Variants in ZC3H14 observed in about 807,000 individuals in gnomAD.
ZC3H14 encodes zinc finger CCCH domain-containing protein 14.
In ZC3H14, 31 loss-of-function variants were observed where a neutral mutation model predicts 92.4. The observed-to-expected ratio is 0.34, with a 90% confidence interval of 0.25 to 0.45. The LOEUF is 0.45. Ranked by LOEUF, ZC3H14 falls within the 20% of genes least tolerant of loss-of-function variation. ZC3H14 has a pLI of 1.00. For missense variants in ZC3H14, 781 were observed against 897.3 expected, an observed-to-expected ratio of 0.87 and a Z score of 1.66; for synonymous variants, 321 against 300.9, an observed-to-expected ratio of 1.07 and a Z score of -0.69.
chr14:88,613,394 C>G lies in ZC3H14; in HGVS notation c.*1643C>G, dbSNP rs1390987498. On this transcript the variant is annotated 3_prime_UTR_variant, in exon 17 of 17. Coordinates refer to ENST00000251038, the MANE Select transcript of ZC3H14 (RefSeq NM_024824.5). Reference sequence around the variant, plus strand: ...AATATCTGGAAATACTTTTAGCTATCATTTATAAAGATAGTTTTGTTCTCA... The same window carrying G: ...AATATCTGGAAATACTTTTAGCTATGATTTATAAAGATAGTTTTGTTCTCA... The G allele has an allele frequency of 6.6e-6, 1 of 151,808 alleles. No homozygotes were observed. The highest frequency in any genetic ancestry group is 1.5e-5 in the Non-Finnish European group (1 of 68,018). The allele number at this position is 151,808 out of a possible 1,614,324, so 9.4% of individuals were successfully genotyped here.
chr14:88,599,955 A>T (rs1050135490), intron 10 of ZC3H14, among the ~76,000 whole-genome samples: 1 of 152,206 alleles, frequency 6.6e-6, no homozygotes, highest in African/African-American at 2.4e-5. Flanking sequence ...GTGAGGATTC[A>T]GTGAGAGACG....
intron 16 of ZC3H14, 36 bp from the exon 17 acceptor site, chr14:88,611,709 A>G: frequency 6.2e-7 from 1 of 1,613,768 alleles, no homozygotes; most frequent in South Asian, 1.1e-5. Flanking sequence ...GATACAAAGC[A>G]GATAATTAAA....
intron 9 of ZC3H14, among the ~76,000 whole-genome samples, chr14:88,580,647 G>C (rs1201019353): frequency 6.6e-6 from 1 of 152,096 alleles, no homozygotes; most frequent in Admixed American, 6.5e-5. Flanking sequence ...ATATTCAGAG[G>C]AACAGAGCAA....
At position 88,602,824 on chromosome 14, in the gene ZC3H14, G is replaced by T; in HGVS notation, c.1515-4G>T. The T allele has an allele frequency of 6.2e-7, 1 of 1,613,718 alleles. No homozygotes were observed. The highest frequency in any genetic ancestry group is 1.1e-5 in the South Asian group (1 of 91,034). On this transcript the variant is annotated splice_polypyrimidine_tract_variant and splice_region_variant and intron_variant, in intron 11 of 16. Coordinates refer to ENST00000251038, the MANE Select transcript of ZC3H14 (RefSeq NM_024824.5). ...TTCTATGGTATTTTTTATCTGTCTG[G>T]CAGAGATCTTGTACAACCAGATAAA...
chr14:88,618,694 A>C lies in ZC3H14; in HGVS notation c.*6943A>C. 6.2e-7 allele frequency: 1 copy of C among 1,612,570 alleles called. No individual in the cohort carries two copies. Among genetic ancestry groups the C allele is most frequent in the Non-Finnish European group, 8.5e-7 (1 of 1,179,314 alleles). ...GCAGAGAAGTCCATTTGAATGACAA[A>C]GCTTGGAATGTCTTTGCAGTAGCTG... On this transcript the variant is annotated 3_prime_UTR_variant, in exon 17 of 17. Transcript: ENST00000251038.
chr14:88,610,486 G>A (rs2086432412), intron 15 of ZC3H14, among the ~76,000 whole-genome samples: 2 of 152,070 alleles, frequency 1.3e-5, no homozygotes, highest in African/African-American at 4.8e-5. Context: ...TTAATGGTTA[G>A]GGTGGGCTGG....
In ZC3H14 at chr14:88,577,846, G is replaced by A; in HGVS notation, c.1124-139G>A. ...TGCCTCCCAAAGTGCTGAGATTACA[G>A]GCATGAGCCACTGCGCCCAGCCTGA... On this transcript the variant is annotated intron_variant, in intron 8 of 16. Transcript: ENST00000251038. The A allele has an allele frequency of 2.8e-6, 3 of 1,081,206 alleles. No individual in the cohort carries two copies. The East Asian group carries it at 7.5e-5, about 27-fold the overall frequency. 67.0% of individuals were successfully genotyped at this position (1,081,206 alleles called of 1,614,324 possible). A position where few individuals can be genotyped will look rare whatever the true frequency, so the allele number is the denominator to read the frequency against.
rs749148899 is a variant in ZC3H14, at chr14:88,609,346, C to T, written c.1948C>T (p.Pro650Ser). 4 of 1,613,936 alleles carry T rather than the reference C, an allele frequency of 2.5e-6. No homozygotes were observed. The highest frequency in any genetic ancestry group is 2.2e-5 in the East Asian group (1 of 44,832). ...TAAATATGATGCAAAGTGTACTAAACCAGATTGTCCCTTCACTCATGTGAG... is the reference window on the plus strand; with the variant it reads ...TAAATATGATGCAAAGTGTACTAAATCAGATTGTCCCTTCACTCATGTGAG... ...NCKYDAKCTKPDCPFTHVSRR... is the reference protein window; with the variant it reads ...NCKYDAKCTKSDCPFTHVSRR... Residue 650 changes from proline to serine, a missense_variant, in exon 14 of 17, where the codon CCA becomes TCA. By Grantham distance (74) the Pro-to-Ser change is moderately conservative. Transcript: ENST00000251038.
At chr14:88,607,175 T>C (rs1310721117) in intron 12 of ZC3H14, 68 bp from the exon 13 acceptor site, 7 of 1,610,620 alleles carry the variant, frequency 4.3e-6, no homozygotes, top group African/African-American at 1.3e-5. Context: ...GAGGGAAATA[T>C]GTTAAAGGTG....
chr14:88,576,087 T>A, intron 8 of ZC3H14, 147 bp downstream of exon 8: 1 of 721,782 alleles, frequency 1.4e-6, no homozygotes, highest in Non-Finnish European at 2.3e-6. Flanking sequence ...AAAATGGCTT[T>A]AAAAGGAAAT....
intron 8 of ZC3H14, among the ~76,000 whole-genome samples, chr14:88,576,989 C>G (rs1001810937): frequency 6.6e-6 from 1 of 152,024 alleles, no homozygotes; most frequent in South Asian, 2.1e-4. Context: ...GGCGGGGTTC[C>G]ACCATGTTGG....
rs1339474642 is a variant in ZC3H14, at chr14:88,621,874, G to A, written c.*10123G>A. 2 of 456,024 alleles carry A rather than the reference G, an allele frequency of 4.4e-6. No homozygotes were observed. The highest frequency in any genetic ancestry group is 4.0e-5 in the African/African-American group (2 of 49,994). 28.2% of individuals were successfully genotyped at this position (456,024 alleles called of 1,614,324 possible). On this transcript the variant is annotated 3_prime_UTR_variant, in exon 17 of 17. Coordinates refer to ENST00000251038, the MANE Select transcript of ZC3H14 (RefSeq NM_024824.5). ...CAGACATTTATCATTTCTTTGTGAT[G>A]GAAACTTTCAAAATCCTCTCTTGTA...
chr14:88,584,237 C>T (rs529844675), intron 9 of ZC3H14, among the ~76,000 whole-genome samples: 1 of 152,024 alleles, frequency 6.6e-6, no homozygotes, highest in East Asian at 1.9e-4. Flanking sequence ...TGTGGGTCCA[C>T]TCATACACTT....
At position 88,616,073 on chromosome 14, in the gene ZC3H14, G is replaced by A; in HGVS notation, c.*4322G>A. On this transcript the variant is annotated 3_prime_UTR_variant, in exon 17 of 17. Coordinates refer to ENST00000251038, the MANE Select transcript of ZC3H14 (RefSeq NM_024824.5). Reference sequence around the variant, plus strand: ...GCTGATTTCATAAACCAAAGCTGTAGGAGTTGTTGTATTAAGTCTCTTAAC... The same window carrying A: ...GCTGATTTCATAAACCAAAGCTGTAAGAGTTGTTGTATTAAGTCTCTTAAC... 1.3e-6 allele frequency: 2 copies of A among 1,513,960 alleles called. No individual in the cohort carries two copies. Among genetic ancestry groups the A allele is most frequent in the South Asian group, 2.3e-5 (2 of 88,426 alleles). The allele number at this position is 1,513,960 out of a possible 1,614,324, so 93.8% of individuals were successfully genotyped here.
rs2086928677 is a variant in ZC3H14 at position 88,612,468 on chromosome 14, AAAT to A, written c.*721_*723del. Reference sequence around the variant, plus strand: ...ATTTACTAATAACATAATGCCTTCTAAATAATTTTTTTGGGAAACTACATTATC... The same window carrying A: ...ATTTACTAATAACATAATGCCTTCTAAATTTTTTTGGGAAACTACATTATC... On this transcript the variant is annotated 3_prime_UTR_variant, in exon 17 of 17. Transcript: ENST00000251038. The A allele has an allele frequency of 6.6e-6, 1 of 152,396 alleles. No individual in the cohort carries two copies. Among genetic ancestry groups the A allele is most frequent in the Middle Eastern group, 3.4e-3 (1 of 294 alleles). 9.4% of individuals were successfully genotyped at this position (152,396 alleles called of 1,614,324 possible).
intron 6 of ZC3H14, 66 bp downstream of exon 6, chr14:88,573,073 A>T: frequency 6.5e-7 from 1 of 1,547,998 alleles, no homozygotes. Context: ...CAAATAATAT[A>T]TGAAGTAACT....
Position 88,614,123 on chromosome 14 carries a change from C to T in ZC3H14, c.*2372C>T, listed in dbSNP as rs1007800458. On this transcript the variant is annotated 3_prime_UTR_variant, in exon 17 of 17. Transcript: ENST00000251038. ...TTCTCTGTAGCCAAAAGCTGGCAAA[C>T]TTGACCCAGAGGGAAAATTTAAAAC... The T allele has an allele frequency of 2.0e-5, 3 of 152,184 alleles. No homozygotes were observed. Among genetic ancestry groups the T allele is most frequent in the African/African-American group, 7.2e-5 (3 of 41,452 alleles). 9.4% of individuals were successfully genotyped at this position (152,184 alleles called of 1,614,324 possible).
At chr14:88,571,797 C>T (rs1268428553) in intron 4 of ZC3H14, among the ~76,000 whole-genome samples, 1 of 151,948 alleles carries the variant, frequency 6.6e-6, no homozygotes, top group African/African-American at 2.4e-5. Context: ...ATCTCCGTCT[C>T]TACTAAAAAT....
chr14:88,577,392 A>G (rs1400870372), intron 8 of ZC3H14, among the ~76,000 whole-genome samples: 1 of 152,136 alleles, frequency 6.6e-6, no homozygotes. Context: ...GCTTAAATAA[A>G]CCGCATTTTG....
Sources: allele counts gnomAD v4.1 joint callset (sites outside exome capture counted in the v4.1 genomes callset), GRCh38; gene constraint gnomAD v4.1.1; transcripts MANE v1.5; gene names NCBI Gene and HGNC (gene_info 2026-07-23, HGNC 2026-07-21).